Variants in TRAF4 observed in about 807,000 individuals in gnomAD.
TRAF4 encodes TNF receptor-associated factor 4.
Under a neutral mutation model 47.3 loss-of-function variants are expected in TRAF4, and 9 were observed. The ratio of observed to expected loss-of-function variants is 0.19; its 90% CI spans 0.11 to 0.33. The LOEUF (loss-of-function observed/expected upper bound fraction) is 0.33. TRAF4 is among the 10% of genes least tolerant of loss of function. The pLI is 1.00. For synonymous variants in TRAF4, 236 were observed against 236.9 expected, an observed-to-expected ratio of 1.00 and a Z score of 0.04; for missense variants, 448 against 620.3, an observed-to-expected ratio of 0.72 and a Z score of 2.95.
At position 28,750,063 on chromosome 17, in the gene TRAF4, C is replaced by G. The variant is rs551266508; in HGVS notation, c.*486C>G. The G allele has an allele frequency of 1.2e-5, 7 of 585,164 alleles. No individual in the cohort carries two copies. The highest frequency in any genetic ancestry group is 2.1e-5 in the Non-Finnish European group (7 of 327,932). The allele number at this position is 585,164 out of a possible 1,614,324, so 36.2% of individuals were successfully genotyped here. On this transcript the variant is annotated 3_prime_UTR_variant, in exon 7 of 7. Transcript: ENST00000262395. ...GGGGAGCCCTGATTTTTAATAAATCCGGAATTGTATTTATTAATTTGCTTC... is the reference window on the plus strand; with the variant it reads ...GGGGAGCCCTGATTTTTAATAAATCGGGAATTGTATTTATTAATTTGCTTC...
chr17:28,745,883 C>G (rs1437597097), intron 1 of TRAF4, among the ~76,000 whole-genome samples: 1 of 152,142 alleles, frequency 6.6e-6, no homozygotes, highest in Non-Finnish European at 1.5e-5. Flanking sequence ...TTCTCCAAAA[C>G]CACTCAGTCA....
intron 1 of TRAF4, chr17:28,746,944 T>C: frequency 2.7e-6 from 1 of 372,696 alleles, no homozygotes; most frequent in Non-Finnish European, 4.8e-6. Flanking sequence ...GGGGAGGGGG[T>C]GCCAGCTGCC....
rs751952463 is a variant in TRAF4, at chr17:28,749,074, G to A, written c.910G>A (p.Val304Met). 13 of 1,614,090 alleles carry A rather than the reference G, an allele frequency of 8.1e-6. No homozygotes were observed. Among genetic ancestry groups the A allele is most frequent in the Non-Finnish European group, 1.1e-5 (13 of 1,180,054 alleles). The change falls in exon 7 of 7, where the codon GTG (valine) becomes ATG (methionine). Residue 304 changes from valine to methionine, a missense_variant. Physicochemically the swap from Val to Met is conservative, Grantham distance 21. Transcript: ENST00000262395. The stretch of plus-strand genomic sequence containing the variant: ...TCGGCGAGAGCTGGAGGAGCTATCA[G>A]TGGGCAGTGATGGCGTGCTCATCTG... Reference protein sequence around the residue: ...ELRRELEELSVGSDGVLIWKI... With the variant: ...ELRRELEELSMGSDGVLIWKI...
In TRAF4 at chr17:28,747,222, C is replaced by G. The variant is rs761858120; in HGVS notation, c.153C>G (p.Val51=). The change falls in exon 2 of 7, where the codon GTC becomes GTG. Residue 51 remains valine, a synonymous_variant. Transcript: ENST00000262395. ...CCCTCCCCCATTTCAGTGAAGGAGT[C>G]TTCAAGTGCCCTGAGGACCAGCTTC... ...TCLQEFLSEG[V]FKCPEDQLPL... 1 of 1,613,796 alleles carries G rather than the reference C, an allele frequency of 6.2e-7. No individual in the cohort carries two copies. Among genetic ancestry groups the G allele is most frequent in the African/African-American group, 1.3e-5 (1 of 75,044 alleles).
rs1488079920 is a variant in TRAF4, at chr17:28,749,408, A to G, written c.1244A>G (p.Lys415Arg). 1 of 1,613,916 alleles carries G rather than the reference A, an allele frequency of 6.2e-7. No homozygotes were observed. The highest frequency in any genetic ancestry group is 8.5e-7 in the Non-Finnish European group (1 of 1,180,034). ...TETFHPDPNWKNFQKPGTWRG... is the reference protein window; with the variant it reads ...TETFHPDPNWRNFQKPGTWRG... ...ACCTTCCACCCCGACCCAAACTGGAAGAATTTCCAGAAGCCAGGCACGTGG... is the reference window on the plus strand; with the variant it reads ...ACCTTCCACCCCGACCCAAACTGGAGGAATTTCCAGAAGCCAGGCACGTGG... Residue 415 changes from lysine (K) to arginine (R), a missense_variant, in exon 7 of 7, where the codon AAG becomes AGG. Physicochemically the swap from Lys to Arg is conservative, Grantham distance 26 (BLOSUM62 2). Transcript: ENST00000262395.
intron 1 of TRAF4, chr17:28,745,251 ACTGG>A (rs1247191709): frequency 3.9e-5 from 6 of 152,366 alleles, no homozygotes; most frequent in African/African-American, 1.4e-4. Flanking sequence ...CGTAGCTCCT[ACTGG>A]CGGAAATCTC....
rs188200557 is a variant in TRAF4, at chr17:28,750,345, C to G, written c.*768C>G. ...TCATAAGGCTGGAGTCCCTGGTCAG[C>G]CCCACCAGATTAGTGCTTCTACCCT... On this transcript the variant is annotated 3_prime_UTR_variant, in exon 7 of 7. Coordinates refer to ENST00000262395, the MANE Select transcript of TRAF4 (RefSeq NM_004295.4). 2 of 168,358 alleles carry G rather than the reference C, an allele frequency of 1.2e-5. No individual in the cohort carries two copies. Among genetic ancestry groups the G allele is most frequent in the African/African-American group, 4.8e-5 (2 of 41,860 alleles). 10.4% of individuals were successfully genotyped at this position (168,358 alleles called of 1,614,324 possible).
chr17:28,748,965 A>G lies in TRAF4; in HGVS notation c.801A>G (p.Ala267=). ...CKHRCPKLAM[A]RHVEESVKPH... Reference sequence around the variant, plus strand: ...AACAGTGCCCTAAGCTGGCAATGGCACGGCATGTGGAGGAGAGTGTGAAGC... The same window carrying G: ...AACAGTGCCCTAAGCTGGCAATGGCGCGGCATGTGGAGGAGAGTGTGAAGC... The change falls in exon 7 of 7, where the codon GCA becomes GCG. Residue 267 remains alanine, a synonymous_variant. Coordinates refer to ENST00000262395, the MANE Select transcript of TRAF4 (RefSeq NM_004295.4). 6.2e-7 allele frequency: 1 copy of G among 1,611,894 alleles called. No homozygotes were observed. The highest frequency in any genetic ancestry group is 8.5e-7 in the Non-Finnish European group (1 of 1,179,096).
Position 28,748,618 on chromosome 17 carries a change from C to T in TRAF4, c.732C>T (p.Asn244=). The T allele has an allele frequency of 1.2e-6, 2 of 1,613,078 alleles. No homozygotes were observed. Among genetic ancestry groups the T allele is most frequent in the African/African-American group, 1.3e-5 (1 of 75,032 alleles). ...DLPGHLKDSC[N]TALVLCPFKD... ...CAGGCCATCTGAAGGACAGCTGTAA[C>T]ACCGCCCTGGTGCTCTGCCCATTCA... is the stretch of plus-strand genomic sequence containing the variant. The change falls in exon 6 of 7, where the codon AAC becomes AAT. Residue 244 remains asparagine (N), a synonymous_variant. Coordinates refer to ENST00000262395, the MANE Select transcript of TRAF4 (RefSeq NM_004295.4).
chr17:28,747,396 C>T (rs968413198), intron 2 of TRAF4, 132 bp downstream of exon 2: 2 of 1,107,010 alleles, frequency 1.8e-6, no homozygotes, highest in African/African-American at 3.2e-5. Flanking sequence ...ACAAAGGTAG[C>T]CTGTTCCCTC....
chr17:28,748,416 C>T lies in TRAF4; in HGVS notation c.617C>T (p.Thr206Ile). 6.2e-7 allele frequency: 1 copy of T among 1,605,744 alleles called. No individual in the cohort carries two copies. Among genetic ancestry groups the T allele is most frequent in the Non-Finnish European group, 8.5e-7 (1 of 1,173,404 alleles). Reference sequence around the variant, plus strand: ...TGCACTAAGGAGTTCGTCTTTGACACCATCCAGGTGAGGCCTTCCCTGAAC... The same window carrying T: ...TGCACTAAGGAGTTCGTCTTTGACATCATCCAGGTGAGGCCTTCCCTGAAC... ...TYCTKEFVFDTIQSHQYQCPR... is the reference protein window; with the variant it reads ...TYCTKEFVFDIIQSHQYQCPR... The change falls in exon 5 of 7, where the codon ACC becomes ATC. Residue 206 changes from threonine (T) to isoleucine (I), a missense_variant. By Grantham distance (89) the Thr-to-Ile change is moderately conservative. Coordinates refer to ENST00000262395, the MANE Select transcript of TRAF4 (RefSeq NM_004295.4).
intron 6 of TRAF4, 104 bp from the exon 7 acceptor site, chr17:28,748,841 G>C (rs1027445795): frequency 2.9e-5 from 43 of 1,485,356 alleles, no homozygotes; most frequent in Admixed American, 4.5e-5. Context: ...TCCTCACGTA[G>C]AGCTGGGTGC....
In TRAF4 at chr17:28,748,929, G is replaced by A; in HGVS notation, c.781-16G>A. The A allele has an allele frequency of 6.2e-7, 1 of 1,600,186 alleles. No homozygotes were observed. The highest frequency in any genetic ancestry group is 8.5e-7 in the Non-Finnish European group (1 of 1,173,440). ...ACTCTCCTCCCTTCCCCCATGGCCTGGGGCTTTGCCAACAGTGCCCTAAGC... is the reference window on the plus strand; with the variant it reads ...ACTCTCCTCCCTTCCCCCATGGCCTAGGGCTTTGCCAACAGTGCCCTAAGC... On this transcript the variant is annotated splice_polypyrimidine_tract_variant and intron_variant, in intron 6 of 6. Transcript: ENST00000262395.
rs892402489 is a variant in TRAF4, at chr17:28,750,263, C to A, written c.*686C>A. The A allele has an allele frequency of 7.6e-6, 2 of 263,534 alleles. No homozygotes were observed. Among genetic ancestry groups the A allele is most frequent in the Admixed American group, 5.0e-5 (1 of 20,132 alleles). 16.3% of individuals were successfully genotyped at this position (263,534 alleles called of 1,614,324 possible). A position where few individuals can be genotyped will look rare whatever the true frequency, so the allele number is the denominator to read the frequency against. On this transcript the variant is annotated 3_prime_UTR_variant, in exon 7 of 7. Transcript: ENST00000262395. Reference sequence around the variant, plus strand: ...ACTGCATCGGGCTTTGTGTGGAAGACGGTCCCTGCCACTGCCCTCTGCCGA... The same window carrying A: ...ACTGCATCGGGCTTTGTGTGGAAGAAGGTCCCTGCCACTGCCCTCTGCCGA...
Position 28,748,282 on chromosome 17 carries a change from C to G in TRAF4, c.483C>G (p.Pro161=). 6.2e-7 allele frequency: 1 copy of G among 1,613,586 alleles called. No individual in the cohort carries two copies. The highest frequency in any genetic ancestry group is 8.5e-7 in the Non-Finnish European group (1 of 1,179,724). Residue 161 remains proline (P), a synonymous_variant, in exon 5 of 7, where the codon CCC becomes CCG. Transcript: ENST00000262395. Reference sequence around the variant, plus strand: ...TCCAGAGCCATGAGGGTATGTGCCCCCAGGAGAGTGTCTACTGTGAGAATA... The same window carrying G: ...TCCAGAGCCATGAGGGTATGTGCCCGCAGGAGAGTGTCTACTGTGAGAATA... ...EAYESHEGMC[P]QESVYCENKC... is the part of the protein sequence containing the mutation.
At chr17:28,748,692 C>T (rs200255127) in intron 6 of TRAF4, 26 bp downstream of exon 6, 10 of 1,602,668 alleles carry the variant, frequency 6.2e-6, no homozygotes, top group Middle Eastern at 1.6e-4. Context: ...TCCTGTCAGC[C>T]CCCTTTTGCC....
rs141662072 is a variant in TRAF4 at position 28,749,334 on chromosome 17, G to A, written c.1170G>A (p.Leu390=). ...WPFARRVTFS[L]LDQSDPGLAK... ...TTGCCCGCCGTGTCACCTTCTCCCT[G>A]CTGGATCAGAGCGACCCTGGGCTGG... The change falls in exon 7 of 7, where the codon CTG becomes CTA. Residue 390 remains leucine (L), a synonymous_variant. Transcript: ENST00000262395. 18 of 1,613,918 alleles carry A rather than the reference G, an allele frequency of 1.1e-5. No individual in the cohort carries two copies. The highest frequency in any genetic ancestry group is 4.0e-5 in the African/African-American group (3 of 74,916).
Position 28,748,406 on chromosome 17 carries a change from G to A in TRAF4, c.607G>A (p.Val203Ile), listed in dbSNP as rs1231468843. The change falls in exon 5 of 7, where the codon GTC (valine) becomes ATC (isoleucine). Residue 203 changes from valine to isoleucine, a missense_variant. Transcript: ENST00000262395. ...QPCTYCTKEF[V>I]FDTIQSHQYQ... is the part of the protein sequence containing the mutation. ...CTGCACCTACTGCACTAAGGAGTTC[G>A]TCTTTGACACCATCCAGGTGAGGCC... 3.7e-6 allele frequency: 6 copies of A among 1,606,270 alleles called. No homozygotes were observed. The highest frequency in any genetic ancestry group is 1.6e-4 in the Middle Eastern group (1 of 6,070).
At position 28,747,869 on chromosome 17, in the gene TRAF4, A is replaced by G. The variant is rs759429739; in HGVS notation, c.222A>G (p.Val74=). The change falls in exon 3 of 7, where the codon GTA becomes GTG. Residue 74 remains valine, a synonymous_variant. Transcript: ENST00000262395. ...AKIYPDPELE[V]QVLGLPIRCI... is the part of the protein sequence containing the mutation. ...TCTACCCAGACCCGGAGCTGGAAGTACAAGTATTGGGCCTGCCTATCCGCT... is the reference window on the plus strand; with the variant it reads ...TCTACCCAGACCCGGAGCTGGAAGTGCAAGTATTGGGCCTGCCTATCCGCT... The G allele has an allele frequency of 4.3e-6, 7 of 1,613,712 alleles. No individual in the cohort carries two copies. The Admixed American group carries it at 1.2e-4, about 27-fold the overall frequency.
Sources: gnomAD v4.1 joint callset for allele counts (sites outside exome capture counted in the v4.1 genomes callset) on GRCh38, gnomAD v4.1.1 for gene constraint, MANE v1.5 for transcripts, NCBI Gene and HGNC (gene_info 2026-07-23, HGNC 2026-07-21) for gene names.